Variants in RRAGD observed in about 807,000 individuals in gnomAD.
RRAGD encodes ras-related GTP-binding protein D.
Under a neutral mutation model 35.5 loss-of-function variants are expected in RRAGD, and 12 were observed. The ratio of observed to expected loss-of-function variants is 0.34; its 90% CI spans 0.22 to 0.55. RRAGD has a LOEUF of 0.55. Ranked by LOEUF, RRAGD falls within the 20% of genes least tolerant of loss-of-function variation. The pLI, the probability that RRAGD is intolerant of heterozygous loss-of-function variation, is 0.91. For synonymous variants in RRAGD, 155 were observed against 178.9 expected (o/e 0.87, Z 1.07); for missense variants, 324 against 490.1 (o/e 0.66, Z 3.20).
At chr6:89,374,964 T>G (rs374665264) in intron 5 of RRAGD, among the ~76,000 whole-genome samples, 31 of 152,292 alleles carry the variant, frequency 2.0e-4, no homozygotes, top group African/African-American at 7.5e-4. Flanking sequence ...ACTGAAACAT[T>G]TAACATGTTT....
chr6:89,368,241 A>G, intron 6 of RRAGD, 34 bp from the exon 7 acceptor site: 1 of 1,593,706 alleles, frequency 6.3e-7, no homozygotes. Context: ...TATAAATGTC[A>G]CGTAGAAATA....
At chr6:89,409,281 G>T (rs925877997) in intron 1 of RRAGD, among the ~76,000 whole-genome samples, 1 of 152,148 alleles carries the variant, frequency 6.6e-6, no homozygotes, top group African/African-American at 2.4e-5. Flanking sequence ...AACTTAACTG[G>T]CAATACTAGT....
intron 1 of RRAGD, among the ~76,000 whole-genome samples, chr6:89,397,916 G>T (rs548770815): frequency 6.6e-6 from 1 of 152,212 alleles, no homozygotes; most frequent in Admixed American, 6.5e-5. Context: ...GGAGGCCAAG[G>T]TGGGTGGATC....
At chr6:89,384,884 C>T (rs983405820) in intron 2 of RRAGD, among the ~76,000 whole-genome samples, 1 of 151,794 alleles carries the variant, frequency 6.6e-6, no homozygotes, top group African/African-American at 2.4e-5. Context: ...TTTCTCTGCC[C>T]CACAAAAAAC....
intron 2 of RRAGD, among the ~76,000 whole-genome samples, chr6:89,382,625 C>T (rs900743949): frequency 1.3e-5 from 2 of 151,854 alleles, no homozygotes; most frequent in Non-Finnish European, 2.9e-5. Context: ...CCTGTAATCC[C>T]AGCCCTTTGG....
chr6:89,397,492 T>G (rs1769360132), intron 1 of RRAGD, among the ~76,000 whole-genome samples: 1 of 152,006 alleles, frequency 6.6e-6, no homozygotes, highest in Non-Finnish European at 1.5e-5. Context: ...GTAGTCCAGC[T>G]ACTCGGGAGG....
chr6:89,377,740 A>G lies in RRAGD; in HGVS notation c.833T>C (p.Val278Ala), dbSNP rs764706690. 6.2e-7 allele frequency: 1 copy of G among 1,612,484 alleles called. No individual in the cohort carries two copies. Among genetic ancestry groups the G allele is most frequent in the Non-Finnish European group, 8.5e-7 (1 of 1,179,166 alleles). The change falls in exon 5 of 7, where the codon GTG becomes GCG. Residue 278 changes from valine to alanine, a missense_variant. Physicochemically the swap from Val to Ala is moderately conservative, Grantham distance 64 (BLOSUM62 0). Around this residue, in one of 5 missense-constraint regions of RRAGD, gnomAD observed 152 missense variants for 296.9 expected, o/e 0.51. Transcript: ENST00000369415. Reference sequence around the variant, plus strand: ...GCAGAGCTCATAGGTTTGCATATCCACCGGAGTACTATCAGTTGCAATATA... The same window carrying G: ...GCAGAGCTCATAGGTTTGCATATCCGCCGGAGTACTATCAGTTGCAATATA... ...KIYIATDSTP[V>A]DMQTYELCCD...
chr6:89,411,633 T>G lies in RRAGD; in HGVS notation c.148+213A>C. ...CTCCCTCCTTCCCCTTTTCCACCGATCCTGGTTGCCCCTCCGCCACCAGCA... is the reference window on the plus strand; with the variant it reads ...CTCCCTCCTTCCCCTTTTCCACCGAGCCTGGTTGCCCCTCCGCCACCAGCA... On this transcript the variant is annotated intron_variant, in intron 1 of 6. Coordinates refer to ENST00000369415, the MANE Select transcript of RRAGD (RefSeq NM_021244.5). This position sits in a 1 kb window ranked among gnomAD's most constrained non-coding sequence, Gnocchi z 5.6. 1 of 576,524 alleles carries G rather than the reference T, an allele frequency of 1.7e-6. No individual in the cohort carries two copies. The highest frequency in any genetic ancestry group is 3.0e-6 in the Non-Finnish European group (1 of 329,600). 35.7% of individuals were successfully genotyped at this position (576,524 alleles called of 1,614,324 possible). A position where few individuals can be genotyped will look rare whatever the true frequency, so the allele number is the denominator to read the frequency against.
chr6:89,374,949 A>G (rs1218745909), intron 5 of RRAGD, among the ~76,000 whole-genome samples: 1 of 152,226 alleles, frequency 6.6e-6, no homozygotes, highest in African/African-American at 2.4e-5. Context: ...TTCTGAGAAC[A>G]AGAAACTGAA....
intron 1 of RRAGD, among the ~76,000 whole-genome samples, chr6:89,393,326 T>C (rs1463619162): frequency 6.6e-6 from 1 of 151,332 alleles, no homozygotes; most frequent in Non-Finnish European, 1.5e-5. Context: ...AGTGTAGAAC[T>C]GGTGGAATCC....
At chr6:89,384,167 T>C (rs750260886) in intron 2 of RRAGD, among the ~76,000 whole-genome samples, 14 of 152,110 alleles carry the variant, frequency 9.2e-5, no homozygotes, top group Admixed American at 2.0e-4. Context: ...CCTAAAGTTT[T>C]GATTTTCCTG....
chr6:89,404,650 G>A lies in RRAGD; in HGVS notation c.148+7196C>T, dbSNP rs148933760. Reference sequence around the variant, plus strand: ...CATTATCAGTCTTTAACACCTGAAGGCTAATCACTTAATCCGGAATTATCC... The same window carrying A: ...CATTATCAGTCTTTAACACCTGAAGACTAATCACTTAATCCGGAATTATCC... On this transcript the variant is annotated intron_variant, in intron 1 of 6. Transcript: ENST00000369415. Among the ~76,000 whole-genome samples, 613 of 152,230 alleles carry A rather than the reference G, an allele frequency of 4.0e-3. 3 individuals carry two copies. The highest frequency in any genetic ancestry group is 0.014 in the African/African-American group (570 of 41,518).
intron 1 of RRAGD, among the ~76,000 whole-genome samples, chr6:89,402,058 T>G (rs1263786472): frequency 6.8e-6 from 1 of 146,470 alleles, no homozygotes; most frequent in Non-Finnish European, 1.5e-5. Context: ...TTTTTTTTTT[T>G]TTGGTGGGGG....
Position 89,377,746 on chromosome 6 carries a change from G to C in RRAGD, c.827C>G (p.Thr276Ser). The C allele has an allele frequency of 2.5e-6, 4 of 1,611,202 alleles. No individual in the cohort carries two copies. Among genetic ancestry groups the C allele is most frequent in the Non-Finnish European group, 3.4e-6 (4 of 1,178,362 alleles). The change falls in exon 5 of 7, where the codon ACT (threonine) becomes AGT (serine). Residue 276 changes from threonine to serine, a missense_variant. By Grantham distance (58) the Thr-to-Ser change is moderately conservative (BLOSUM62 1). This residue lies in a region of RRAGD where 152 missense variants were observed against 296.9 expected (regional missense o/e 0.51). Coordinates refer to ENST00000369415, the MANE Select transcript of RRAGD (RefSeq NM_021244.5). ...VSKIYIATDSTPVDMQTYELC... is the reference protein window; with the variant it reads ...VSKIYIATDSSPVDMQTYELC... Reference sequence around the variant, plus strand: ...CTCATAGGTTTGCATATCCACCGGAGTACTATCAGTTGCAATATAAATTTT... The same window carrying C: ...CTCATAGGTTTGCATATCCACCGGACTACTATCAGTTGCAATATAAATTTT...
intron 1 of RRAGD, among the ~76,000 whole-genome samples, chr6:89,388,250 A>G (rs539180083): frequency 6.6e-6 from 1 of 152,334 alleles, no homozygotes; most frequent in African/African-American, 2.4e-5. Context: ...AAAATCGATT[A>G]AAATTAGAAA....
At chr6:89,389,179 C>G (rs1018371377) in intron 1 of RRAGD, among the ~76,000 whole-genome samples, 9 of 152,108 alleles carry the variant, frequency 5.9e-5, no homozygotes, top group Non-Finnish European at 1.2e-4. Context: ...GAGGCCAGCA[C>G]TACACCAGTT....
chr6:89,376,833 T>C (rs1406788839), intron 5 of RRAGD, among the ~76,000 whole-genome samples: 3 of 152,198 alleles, frequency 2.0e-5, no homozygotes, highest in African/African-American at 7.2e-5. Context: ...GTAACCACTC[T>C]GAACCTCAGT....
intron 2 of RRAGD, among the ~76,000 whole-genome samples, chr6:89,382,209 T>C (rs1298537515): frequency 1.3e-5 from 2 of 151,860 alleles, no homozygotes; most frequent in Non-Finnish European, 2.9e-5. Flanking sequence ...ATATTAATTA[T>C]ACAAATAGGA....
intron 2 of RRAGD, among the ~76,000 whole-genome samples, chr6:89,382,830 C>T (rs1378251827): frequency 4.6e-5 from 7 of 151,986 alleles, no homozygotes; most frequent in East Asian, 1.9e-4. Context: ...GAGCCAAGAT[C>T]GTGCCACTGC....
Sources: gnomAD v4.1 joint callset for allele counts (sites outside exome capture counted in the v4.1 genomes callset) on GRCh38, gnomAD v4.1.1 for gene constraint, gnomAD v4.1.1 regional missense constraint, Gnocchi (gnomAD v3.1) non-coding constraint, MANE v1.5 for transcripts, NCBI Gene and HGNC (gene_info 2026-07-23, HGNC 2026-07-21) for gene names.